Variants in UBE2E3 observed in about 807,000 individuals in gnomAD.
UBE2E3 encodes ubiquitin-conjugating enzyme E2 E3.
Under a neutral mutation model 23.6 loss-of-function variants are expected in UBE2E3, and 5 were observed. That is an observed-to-expected ratio of 0.21 (90% confidence interval 0.11 to 0.44). UBE2E3 has a LOEUF of 0.44. Ranked by LOEUF, UBE2E3 falls within the 20% of genes least tolerant of loss-of-function variation. UBE2E3 has a pLI of 0.99. For missense variants in UBE2E3, 81 were observed against 249.8 expected, an observed-to-expected ratio of 0.32 and a Z score of 4.55; for synonymous variants, 78 against 87.5, an observed-to-expected ratio of 0.89 and a Z score of 0.60.
intron 3 of UBE2E3, among the ~76,000 whole-genome samples, chr2:181,012,445 G>A (rs1685359634): frequency 6.6e-6 from 1 of 152,142 alleles, no homozygotes; most frequent in African/African-American, 2.4e-5. Flanking sequence ...GTCAAGGGAT[G>A]TGTGTGGCTA....
rs1684315527 is a variant in UBE2E3 at position 180,982,143 on chromosome 2, A to C, written c.101A>C (p.Glu34Ala). Residue 34 changes from glutamate to alanine, a missense_variant, in exon 2 of 6, where the codon GAA becomes GCA. Transcript: ENST00000410062. ...GACCCAGCCGCTCCAGAGCCTGAAG[A>C]ACAAGAGGAAAGAAAACCTTCTGCC... ...QRDPAAPEPE[E>A]QEERKPSATQ... The C allele has an allele frequency of 6.2e-7, 1 of 1,613,470 alleles. No homozygotes were observed. The highest frequency in any genetic ancestry group is 1.3e-5 in the African/African-American group (1 of 74,790).
At chr2:181,026,644 A>G (rs1685895732) in intron 3 of UBE2E3, among the ~76,000 whole-genome samples, 1 of 151,824 alleles carries the variant, frequency 6.6e-6, no homozygotes, top group South Asian at 2.1e-4. Context: ...AATGCCATTA[A>G]TTTAAATATT....
chr2:180,983,545 A>T (rs1684365951), intron 2 of UBE2E3, among the ~76,000 whole-genome samples: 1 of 152,250 alleles, frequency 6.6e-6, no homozygotes, highest in Admixed American at 6.5e-5. Flanking sequence ...AAAGTTTTTC[A>T]CAAGTAAAGA....
intron 3 of UBE2E3, among the ~76,000 whole-genome samples, chr2:181,030,921 T>C (rs1237636210): frequency 2.6e-5 from 4 of 152,170 alleles, no homozygotes; most frequent in Non-Finnish European, 4.4e-5. Flanking sequence ...AATTTTAGTT[T>C]TTATTGACAC....
chr2:181,044,881 A>G (rs549541978), intron 3 of UBE2E3, among the ~76,000 whole-genome samples: 3 of 152,300 alleles, frequency 2.0e-5, no homozygotes, highest in African/African-American at 7.2e-5. Flanking sequence ...TCAGTGGTGC[A>G]CTGGTTAATG....
In UBE2E3 at chr2:181,062,853, A is replaced by T; in HGVS notation, c.589A>T (p.Ile197Leu). 2.5e-6 allele frequency: 4 copies of T among 1,608,924 alleles called. No homozygotes were observed. Among genetic ancestry groups the T allele is most frequent in the South Asian group, 2.2e-5 (2 of 90,630 alleles). The change falls in exon 6 of 6, where the codon ATA becomes TTA. Residue 197 changes from isoleucine to leucine, a missense_variant. Physicochemically the swap from Ile to Leu is conservative, Grantham distance 5. Coordinates refer to ENST00000410062, the MANE Select transcript of UBE2E3 (RefSeq NM_006357.4). ...GACCAACAGAGCAGAACACGACAGG[A>T]TAGCCAGACAGTGGACCAAGAGATA... ...YLTNRAEHDR[I>L]ARQWTKRYAT is the part of the protein sequence containing the mutation.
intron 3 of UBE2E3, among the ~76,000 whole-genome samples, chr2:181,040,315 T>C (rs1686447662): frequency 6.6e-6 from 1 of 152,244 alleles, no homozygotes; most frequent in Non-Finnish European, 1.5e-5. Context: ...CATGTTACAC[T>C]GTATTGCATT....
intron 3 of UBE2E3, among the ~76,000 whole-genome samples, chr2:181,042,648 C>CA: frequency 6.6e-6 from 1 of 152,300 alleles, no homozygotes; most frequent in Non-Finnish European, 1.5e-5. Flanking sequence ...GAGCCTTGAG[C>CA]AAGCACCTGA....
intron 3 of UBE2E3, among the ~76,000 whole-genome samples, chr2:181,015,331 T>C (rs1294939132): frequency 6.6e-6 from 1 of 152,216 alleles, no homozygotes; most frequent in Non-Finnish European, 1.5e-5. Context: ...ATATGTGTTC[T>C]TTGTGAACTA....
At chr2:181,043,184 T>C (rs1280333822) in intron 3 of UBE2E3, among the ~76,000 whole-genome samples, 2 of 152,216 alleles carry the variant, frequency 1.3e-5, no homozygotes, top group Non-Finnish European at 2.9e-5. Context: ...AACATGATGC[T>C]ACGAGTTAAC....
rs1211360591 is a variant in UBE2E3, at chr2:180,982,161, C to T, written c.119C>T (p.Pro40Leu). ...PEPEEQEERKPSATQQKKNTK... is the reference protein window; with the variant it reads ...PEPEEQEERKLSATQQKKNTK... The stretch of plus-strand genomic sequence containing the variant: ...CCTGAAGAACAAGAGGAAAGAAAAC[C>T]TTCTGCCACCCAGCAGAAGAAAAAC... Residue 40 changes from proline to leucine, a missense_variant, in exon 2 of 6, where the codon CCT (proline) becomes CTT (leucine). Physicochemically the swap from Pro to Leu is moderately conservative, Grantham distance 98. Transcript: ENST00000410062. 15 of 1,613,256 alleles carry T rather than the reference C, an allele frequency of 9.3e-6. No individual in the cohort carries two copies. The highest frequency in any genetic ancestry group is 1.3e-5 in the Non-Finnish European group (15 of 1,179,714).
chr2:180,989,992 C>G (rs767210651), intron 3 of UBE2E3: 80 of 1,531,612 alleles, frequency 5.2e-5, no homozygotes, highest in Non-Finnish European at 6.2e-6. Context: ...ATAATAAAAT[C>G]ACTTGTAAAT....
chr2:181,046,163 C>T (rs1686668308), intron 3 of UBE2E3, among the ~76,000 whole-genome samples: 2 of 152,086 alleles, frequency 1.3e-5, no homozygotes, highest in African/African-American at 2.4e-5. Context: ...TAAGTGCCAG[C>T]TATAGTATGA....
chr2:181,045,249 T>G (rs1009512820), intron 3 of UBE2E3, among the ~76,000 whole-genome samples: 2 of 152,218 alleles, frequency 1.3e-5, no homozygotes, highest in South Asian at 4.1e-4. Context: ...TTATGCTGAT[T>G]ATTGTTACAG....
At chr2:181,050,436 T>G (rs1686809984) in intron 3 of UBE2E3, among the ~76,000 whole-genome samples, 1 of 151,864 alleles carries the variant, frequency 6.6e-6, no homozygotes, top group Admixed American at 6.6e-5. Context: ...TCCTAAAGTT[T>G]GGGAGGGACT....
At chr2:181,020,289 C>T (rs1212482685) in intron 3 of UBE2E3, among the ~76,000 whole-genome samples, 1 of 152,216 alleles carries the variant, frequency 6.6e-6, no homozygotes, top group East Asian at 1.9e-4. Context: ...ACTCTACCTC[C>T]ATTGTCACAT....
chr2:180,982,344 C>T, intron 2 of UBE2E3, 108 bp downstream of exon 2: 1 of 984,952 alleles, frequency 1.0e-6, no homozygotes, highest in African/African-American at 1.6e-5. Context: ...ATATTTACTT[C>T]ATTATCAGTT....
At chr2:181,007,282 A>G (rs903588678) in intron 3 of UBE2E3, among the ~76,000 whole-genome samples, 2 of 152,198 alleles carry the variant, frequency 1.3e-5, no homozygotes, top group Non-Finnish European at 2.9e-5. Flanking sequence ...ATAGCTTGCT[A>G]CCTTATCCTT....
chr2:180,990,108 T>C, intron 3 of UBE2E3: 1 of 989,278 alleles, frequency 1.0e-6, no homozygotes, highest in Non-Finnish European at 1.4e-6. Flanking sequence ...TTCAAACTTT[T>C]AACCTTTCTT....
Sources: gnomAD v4.1 joint callset for allele counts (sites outside exome capture counted in the v4.1 genomes callset) on GRCh38, gnomAD v4.1.1 for gene constraint, MANE v1.5 for transcripts, NCBI Gene and HGNC (gene_info 2026-07-23, HGNC 2026-07-21) for gene names.